The following KCNJ3 variants were observed in gnomAD, a reference collection of about 807,000 sequenced individuals.
KCNJ3 encodes the protein potassium inwardly rectifying channel subfamily J member 3.
KCNJ3 carries 4 observed loss-of-function variants against 39.2 expected under a neutral mutation model. The ratio of observed to expected loss-of-function variants is 0.10; its 90% confidence interval spans 0.05 to 0.23. The LOEUF is 0.23. Among genes scored for constraint, KCNJ3 ranks in the 10% least tolerant of loss-of-function variants. KCNJ3 has a pLI of 1.00. For missense variants in KCNJ3, 276 were observed against 634.9 expected (o/e 0.43, Z 6.08); for synonymous variants, 230 against 237.4 (o/e 0.97, Z 0.29).
chr2:154,738,010 A>G (rs1685577454), intron 2 of KCNJ3, among the ~76,000 whole-genome samples: 1 of 152,154 alleles, frequency 6.6e-6, no homozygotes, highest in Non-Finnish European at 1.5e-5. Context: ...CATTTTGTAT[A>G]TGTACCACAT....
chr2:154,718,193 A>C (rs2105158017), intron 2 of KCNJ3, among the ~76,000 whole-genome samples: 1 of 152,206 alleles, frequency 6.6e-6, no homozygotes, highest in Admixed American at 6.5e-5. Context: ...TATATTTGTT[A>C]TTTATTGCTT....
chr2:154,734,998 T>C (rs1221044579), intron 2 of KCNJ3, among the ~76,000 whole-genome samples: 1 of 152,178 alleles, frequency 6.6e-6, no homozygotes, highest in African/African-American at 2.4e-5. Context: ...ACAAGTTCCA[T>C]TTATGTTTAG....
intron 2 of KCNJ3, among the ~76,000 whole-genome samples, chr2:154,768,170 T>C (rs555759125): frequency 1.3e-5 from 2 of 152,378 alleles, no homozygotes; most frequent in African/African-American, 4.8e-5. Context: ...TCTTTTGCTG[T>C]GCAGAAGCTC....
Position 154,855,784 on chromosome 2 carries a change from TACAC to T in KCNJ3, c.*473_*476del, listed in dbSNP as rs1687828144. The T allele has an allele frequency of 1.3e-5, 2 of 152,478 alleles. No individual in the cohort carries two copies. Among genetic ancestry groups the T allele is most frequent in the Non-Finnish European group, 2.9e-5 (2 of 68,082 alleles). 9.4% of individuals were successfully genotyped at this position (152,478 alleles called of 1,614,324 possible). On this transcript the variant is annotated 3_prime_UTR_variant, in exon 3 of 3. Transcript: ENST00000295101. ...ATATACATATATATATACACATACA[TACAC>T]ATACATACATACATACATATATATC...
At chr2:154,748,560 T>A (rs1435610257) in intron 2 of KCNJ3, among the ~76,000 whole-genome samples, 5 of 152,078 alleles carry the variant, frequency 3.3e-5, no homozygotes, top group Admixed American at 6.6e-5. Context: ...CTTCGTCCTG[T>A]GCCTTGGAAC....
chr2:154,823,549 T>C (rs749061767), intron 2 of KCNJ3, among the ~76,000 whole-genome samples: 1 of 152,090 alleles, frequency 6.6e-6, no homozygotes, highest in Non-Finnish European at 1.5e-5. Flanking sequence ...TGCCTACATC[T>C]CTCAAATGTA....
At chr2:154,854,400 T>C (rs1219642598) in intron 2 of KCNJ3, among the ~76,000 whole-genome samples, 2 of 152,210 alleles carry the variant, frequency 1.3e-5, no homozygotes, top group Non-Finnish European at 2.9e-5. Context: ...TGTTACATAA[T>C]TTTTCCACTT....
chr2:154,809,733 G>T (rs186374236), intron 2 of KCNJ3, among the ~76,000 whole-genome samples: 2 of 152,232 alleles, frequency 1.3e-5, no homozygotes, highest in Admixed American at 6.5e-5. Flanking sequence ...TTGCAAAGTG[G>T]TATCTTATCC....
At chr2:154,844,422 G>A (rs970476566) in intron 2 of KCNJ3, among the ~76,000 whole-genome samples, 3 of 152,236 alleles carry the variant, frequency 2.0e-5, no homozygotes, top group Admixed American at 6.5e-5. Context: ...ACTTGAGGAG[G>A]TAGTCTGTCC....
In KCNJ3 at chr2:154,737,833, C is replaced by T. The variant is rs1299698213; in HGVS notation, c.919+28014C>T. 2.6e-5 allele frequency among the ~76,000 whole-genome samples: 4 copies of T among 151,676 alleles called. No individual in the cohort carries two copies. In the East Asian group the frequency reaches 7.8e-4, roughly 29 times the overall value. ...ATCTTAAAGGTGAAGAGTGGGGAGA[C>T]GAAATAGTTGAAGAAACAGTGGCCA... is the stretch of plus-strand genomic sequence containing the variant. On this transcript the variant is annotated intron_variant, in intron 2 of 2. Transcript: ENST00000295101.
intron 2 of KCNJ3, among the ~76,000 whole-genome samples, chr2:154,790,703 G>C (rs763693164): frequency 5.9e-5 from 9 of 151,984 alleles, no homozygotes; most frequent in Non-Finnish European, 1.0e-4. Flanking sequence ...GATTTTGGGG[G>C]ATGTAGAAAA....
At chr2:154,837,322 C>A (rs998815383) in intron 2 of KCNJ3, among the ~76,000 whole-genome samples, 1 of 152,090 alleles carries the variant, frequency 6.6e-6, no homozygotes, top group Admixed American at 6.5e-5. Context: ...CATTCTTGCC[C>A]CCTCACTAAT....
chr2:154,708,281 G>A (rs572146979), intron 1 of KCNJ3, among the ~76,000 whole-genome samples: 1 of 152,182 alleles, frequency 6.6e-6, no homozygotes, highest in East Asian at 1.9e-4. Context: ...CTGCCATAAT[G>A]AAGCACCACC....
At chr2:154,816,104 C>G (rs755084501) in intron 2 of KCNJ3, among the ~76,000 whole-genome samples, 3 of 152,100 alleles carry the variant, frequency 2.0e-5, no homozygotes. Flanking sequence ...ATTCGCAAAA[C>G]TGTGAATGAT....
chr2:154,712,371 T>C (rs181724826), intron 2 of KCNJ3, among the ~76,000 whole-genome samples: 32 of 152,348 alleles, frequency 2.1e-4, no homozygotes, highest in Non-Finnish European at 3.8e-4. Context: ...TATGATCTTA[T>C]GGGATTGTTT....
At chr2:154,720,841 T>C (rs1685253816) in intron 2 of KCNJ3, among the ~76,000 whole-genome samples, 2 of 152,162 alleles carry the variant, frequency 1.3e-5, no homozygotes, top group African/African-American at 4.8e-5. Flanking sequence ...ACTTTCTGAC[T>C]CATGCTCCTG....
intron 2 of KCNJ3, among the ~76,000 whole-genome samples, chr2:154,748,922 ATGAAG>A (rs542791836): frequency 9.0e-4 from 137 of 152,260 alleles, no homozygotes; most frequent in Non-Finnish European, 1.5e-3. Context: ...ACAGTGAAAA[ATGAAG>A]TGGCTTGCAA....
At chr2:154,753,806 T>G (rs1435769229) in intron 2 of KCNJ3, among the ~76,000 whole-genome samples, 3 of 152,198 alleles carry the variant, frequency 2.0e-5, no homozygotes, top group Non-Finnish European at 4.4e-5. Context: ...TACATAGATT[T>G]GTTCATTTAT....
At chr2:154,794,632 G>C (rs1284722244) in intron 2 of KCNJ3, among the ~76,000 whole-genome samples, 1 of 152,030 alleles carries the variant, frequency 6.6e-6, no homozygotes, top group Non-Finnish European at 1.5e-5. Flanking sequence ...AGATTAACTT[G>C]CCAAATGGCA....
Sources: allele counts gnomAD v4.1 joint callset (sites outside exome capture counted in the v4.1 genomes callset), GRCh38; gene constraint gnomAD v4.1.1; transcripts MANE v1.5; gene names NCBI Gene and HGNC (gene_info 2026-07-23, HGNC 2026-07-21).